TECR: variants seen among roughly 807,000 people sequenced by gnomAD.
TECR encodes the protein very-long-chain enoyl-CoA reductase.
In TECR, 19 loss-of-function variants were observed where a neutral mutation model predicts 50.6. The ratio of observed to expected loss-of-function variants is 0.38; its 90% CI spans 0.26 to 0.55. The LOEUF is 0.55. Among genes scored for constraint, TECR ranks in the 20% least tolerant of loss-of-function variants. The probability of loss-of-function intolerance (pLI) is 0.79; values close to 1 mark genes in which losing one functional copy is unlikely to be tolerated. For synonymous variants in TECR, 168 were observed against 163.5 expected, an observed-to-expected ratio of 1.03 and a Z score of -0.21; for missense variants, 313 against 408.3, an observed-to-expected ratio of 0.77 and a Z score of 2.01.
intron 1 of TECR, among the ~76,000 whole-genome samples, chr19:14,560,149 C>T (rs1369729008): frequency 2.0e-5 from 3 of 152,236 alleles, no homozygotes; most frequent in Non-Finnish European, 4.4e-5. Flanking sequence ...CCGGCGTCCT[C>T]TCCCAGCAGC....
chr19:14,535,543 AATATATATATATATATATATATAT>A (rs747348455), intron 1 of TECR, among the ~76,000 whole-genome samples: 2,356 of 32,634 alleles, frequency 0.072, 115 homozygotes, highest in South Asian at 0.15. Flanking sequence ...AAAAAAAAAA[AATATATATATATATATATATATAT>A]ATATATATAT....
In TECR at chr19:14,563,785, C is replaced by T. The variant is rs2073975379; in HGVS notation, c.164-15C>T. 1 of 1,613,282 alleles carries T rather than the reference C, an allele frequency of 6.2e-7. No individual in the cohort carries two copies. The highest frequency in any genetic ancestry group is 1.7e-5 in the Admixed American group (1 of 59,954). ...GGCCCGGGTAGCCCCTGAGCCCTGGCCCGCCTCTCTGCAGAGGGCAAGTCC... is the reference window on the plus strand; with the variant it reads ...GGCCCGGGTAGCCCCTGAGCCCTGGTCCGCCTCTCTGCAGAGGGCAAGTCC... On this transcript the variant is annotated splice_polypyrimidine_tract_variant and intron_variant, in intron 4 of 12. Transcript: ENST00000215567. The surrounding 1 kb of genome is among the most constrained non-coding windows in gnomAD (Gnocchi z 5.3).
intron 1 of TECR, among the ~76,000 whole-genome samples, chr19:14,542,354 T>TTTTTTTTC (rs2073129115): frequency 8.6e-6 from 1 of 116,324 alleles, no homozygotes; most frequent in African/African-American, 3.6e-5. Flanking sequence ...AGTGTTTTTT[T>TTTTTTTTC]TTTTTTTTTT....
intron 1 of TECR, among the ~76,000 whole-genome samples, chr19:14,558,647 C>T (rs1025868603): frequency 2.6e-5 from 4 of 152,190 alleles, no homozygotes; most frequent in African/African-American, 7.2e-5. Flanking sequence ...CCCTGCCCGT[C>T]GTGCCTGAGG....
intron 1 of TECR, among the ~76,000 whole-genome samples, chr19:14,554,776 C>CT (rs1489149437): frequency 2.6e-5 from 4 of 151,992 alleles, no homozygotes; most frequent in Non-Finnish European, 5.9e-5. Flanking sequence ...CTGCTTGTCT[C>CT]TGCCTTGTGC....
intron 1 of TECR, among the ~76,000 whole-genome samples, chr19:14,536,157 C>A (rs572744699): frequency 9.9e-5 from 15 of 152,222 alleles, no homozygotes; most frequent in South Asian, 6.2e-4. Context: ...GATACTCTTC[C>A]TGGGAAGGTG....
chr19:14,563,452 A>G lies in TECR; in HGVS notation c.118+195A>G. 1 of 818,752 alleles carries G rather than the reference A, an allele frequency of 1.2e-6. No homozygotes were observed. The highest frequency in any genetic ancestry group is 1.6e-5 in the South Asian group (1 of 64,320). The allele number at this position is 818,752 out of a possible 1,614,324, so 50.7% of individuals were successfully genotyped here. A position where few individuals can be genotyped will look rare whatever the true frequency, so the allele number is the denominator to read the frequency against. ...GGAACGCCCTTGCTAGGCTCTGGGA[A>G]GGACAAGATCCTGCTTCTGCCCGCG... On this transcript the variant is annotated intron_variant, in intron 3 of 12. Transcript: ENST00000215567. This position sits in a 1 kb window ranked among gnomAD's most constrained non-coding sequence, Gnocchi z 5.3.
At chr19:14,551,794 A>C (rs939096623) in intron 1 of TECR, among the ~76,000 whole-genome samples, 3 of 151,824 alleles carry the variant, frequency 2.0e-5, no homozygotes, top group African/African-American at 7.3e-5. Context: ...GGAGGATCGC[A>C]TCCAGGGTGG....
intron 1 of TECR, among the ~76,000 whole-genome samples, chr19:14,534,776 A>G (rs576421339): frequency 1.3e-5 from 2 of 152,228 alleles, no homozygotes; most frequent in African/African-American, 4.8e-5. Flanking sequence ...GATGGGAACT[A>G]CTGTTCTACT....
chr19:14,528,437 A>G (rs983248431), upstream of TECR, among the ~76,000 whole-genome samples: 5 of 149,518 alleles, frequency 3.3e-5, no homozygotes, highest in Admixed American at 1.3e-4. Context: ...ATGAGGTTTC[A>G]CCATATCTGC....
chr19:14,543,713 C>T (rs2146583765), intron 1 of TECR, among the ~76,000 whole-genome samples: 1 of 150,440 alleles, frequency 6.6e-6, no homozygotes, highest in African/African-American at 2.4e-5. Flanking sequence ...GCTGGGATTA[C>T]AGGCGTGAGC....
upstream of TECR, chr19:14,529,108 T>C (rs2072511113): frequency 1.2e-5 from 2 of 161,028 alleles, no homozygotes; most frequent in South Asian, 1.4e-4. Context: ...CACTCAAGAG[T>C]CTCCTCCCAT....
chr19:14,535,771 A>AG (rs2072877624), intron 1 of TECR, among the ~76,000 whole-genome samples: 1 of 145,060 alleles, frequency 6.9e-6, no homozygotes, highest in African/African-American at 2.5e-5. Context: ...AAAAAAAAAA[A>AG]AAAAAAGGGA....
At chr19:14,539,140 A>ATTT (rs57801378) in intron 1 of TECR, among the ~76,000 whole-genome samples, 1 of 92,544 alleles carries the variant, frequency 1.1e-5, no homozygotes. Context: ...CGCCCGGCTA[A>ATTT]TTTTTTTTTT....
intron 1 of TECR, among the ~76,000 whole-genome samples, chr19:14,561,759 C>G (rs1022437647): frequency 6.6e-6 from 1 of 152,238 alleles, no homozygotes; most frequent in African/African-American, 2.4e-5. Context: ...GCACCCATAA[C>G]TCCAGAATCT....
chr19:14,547,356 TTTTATTTTA>T (rs2073342534), intron 1 of TECR, among the ~76,000 whole-genome samples: 1 of 152,040 alleles, frequency 6.6e-6, no homozygotes, highest in Non-Finnish European at 1.5e-5. Context: ...TTTTATTTTA[TTTTATTTTA>T]TTTTATGTTT....
chr19:14,543,419 ATTTTTTTTTTTTTTTTTTTTTTTT>A (rs1169742953), intron 1 of TECR, among the ~76,000 whole-genome samples: 2 of 21,892 alleles, frequency 9.1e-5, no homozygotes, highest in South Asian at 4.6e-3. Context: ...ATATATATAT[ATTTTTTTTTTTTTTTTTTTTTTTT>A]TTTTTTTTTT....
chr19:14,556,816 G>C (rs963342908), intron 1 of TECR, among the ~76,000 whole-genome samples: 1 of 152,204 alleles, frequency 6.6e-6, no homozygotes, highest in Non-Finnish European at 1.5e-5. Flanking sequence ...GAGTAAGTCT[G>C]TGCGGCCACA....
intron 1 of TECR, among the ~76,000 whole-genome samples, chr19:14,551,665 G>A (rs1362957754): frequency 2.0e-5 from 3 of 152,064 alleles, no homozygotes; most frequent in Non-Finnish European, 4.4e-5. Flanking sequence ...CCCCGCTGTG[G>A]TATGAGTTGC....
Sources: allele counts gnomAD v4.1 joint callset (sites outside exome capture counted in the v4.1 genomes callset), GRCh38; gene constraint gnomAD v4.1.1; non-coding constraint Gnocchi (gnomAD v3.1); transcripts MANE v1.5; gene names NCBI Gene and HGNC (gene_info 2026-07-23, HGNC 2026-07-21).